Variants in NF1 observed in about 807,000 individuals in gnomAD.
NF1 encodes neurofibromin 1.
NF1 carries 122 observed loss-of-function variants against 325.7 expected under a neutral mutation model. The observed-to-expected ratio is 0.37, with a 90% CI of 0.32 to 0.44. The LOEUF is 0.44. Among genes scored for constraint, NF1 ranks in the 20% least tolerant of loss-of-function variants. NF1 has a pLI of 1.00. For synonymous variants in NF1, 1,091 were observed against 1,186.0 expected (o/e 0.92, Z 1.65); for missense variants, 2,140 against 3,415.4 (o/e 0.63, Z 9.31).
At chr17:31,291,646 CTT>C (rs2151494778) in intron 36 of NF1, among the ~76,000 whole-genome samples, 1 of 152,162 alleles carries the variant, frequency 6.6e-6, no homozygotes, top group South Asian at 2.1e-4. Flanking sequence ...TAGGTTAACT[CTT>C]GACTGACATT....
chr17:31,305,080 G>A, intron 36 of NF1: 1 of 1,614,158 alleles, frequency 6.2e-7, no homozygotes, highest in Non-Finnish European at 8.5e-7. Flanking sequence ...ACTCCTAGGT[G>A]AATTTTTGAC....
intron 12 of NF1, among the ~76,000 whole-genome samples, chr17:31,214,202 T>C (rs570929401): frequency 6.6e-6 from 1 of 152,100 alleles, no homozygotes; most frequent in Non-Finnish European, 1.5e-5. Context: ...AGTATTGTAA[T>C]AGATTTTCAT....
chr17:31,209,909 A>G (rs765090066), intron 12 of NF1, among the ~76,000 whole-genome samples: 1 of 152,146 alleles, frequency 6.6e-6, no homozygotes, highest in Non-Finnish European at 1.5e-5. Flanking sequence ...CAGTCTCCCA[A>G]AATGCAGGGC....
chr17:31,096,580 A>G (rs892981032), intron 1 of NF1, among the ~76,000 whole-genome samples: 1 of 152,162 alleles, frequency 6.6e-6, no homozygotes, highest in Non-Finnish European at 1.5e-5. Context: ...GGAATTGTTT[A>G]AGATTGAGTC....
At chr17:31,283,789 A>G (rs1336289084) in intron 36 of NF1, among the ~76,000 whole-genome samples, 1 of 152,100 alleles carries the variant, frequency 6.6e-6, no homozygotes, top group Non-Finnish European at 1.5e-5. Context: ...TATTAGGCCT[A>G]ATTACCAGTT....
intron 1 of NF1, among the ~76,000 whole-genome samples, chr17:31,145,950 A>G (rs1217012090): frequency 6.6e-6 from 1 of 152,226 alleles, no homozygotes; most frequent in Non-Finnish European, 1.5e-5. Context: ...CCAAATGGAC[A>G]TTTGGATAAC....
chr17:31,146,399 T>G (rs1412558199), intron 1 of NF1, among the ~76,000 whole-genome samples: 1 of 149,260 alleles, frequency 6.7e-6, no homozygotes, highest in Non-Finnish European at 1.5e-5. Context: ...TTTAGATATC[T>G]AATCTGTCTG....
intron 36 of NF1, 101 bp downstream of exon 36, chr17:31,265,440 A>T: frequency 1.2e-6 from 1 of 829,680 alleles, no homozygotes; most frequent in South Asian, 1.4e-5. Flanking sequence ...CTTAACAGGA[A>T]TTGAAGACAA....
intron 13 of NF1, among the ~76,000 whole-genome samples, chr17:31,216,021 C>G (rs936735160): frequency 2.0e-5 from 3 of 152,170 alleles, no homozygotes. Flanking sequence ...AAAACCCATT[C>G]AAGTTTGAAA....
chr17:31,357,399 C>A (rs1408580227), intron 54 of NF1, 30 bp downstream of exon 54: 4 of 1,544,076 alleles, frequency 2.6e-6, no homozygotes, highest in Non-Finnish European at 3.6e-6. Context: ...TTTAATTCAC[C>A]TTCGTGCCTG....
intron 23 of NF1, 43 bp downstream of exon 23, chr17:31,230,425 T>C (rs2151431879): frequency 6.2e-7 from 1 of 1,610,376 alleles, no homozygotes; most frequent in Non-Finnish European, 8.5e-7. Flanking sequence ...TAAATCTTAA[T>C]ATGTCCAATG....
chr17:31,335,037 G>A lies in NF1; in HGVS notation c.6006+6G>A, dbSNP rs779001881. The A allele has an allele frequency of 6.2e-7, 1 of 1,609,826 alleles. No individual in the cohort carries two copies. Among genetic ancestry groups the A allele is most frequent in the Admixed American group, 1.7e-5 (1 of 59,694 alleles). ...TATGGGGAAGCCTTGGGCAGGTATTGAGTTTGCTCAAATATTTATCTAGTA... is the reference window on the plus strand; with the variant it reads ...TATGGGGAAGCCTTGGGCAGGTATTAAGTTTGCTCAAATATTTATCTAGTA... On this transcript the variant is annotated splice_donor_region_variant and intron_variant, in intron 40 of 57. Coordinates refer to ENST00000358273, the MANE Select transcript of NF1 (RefSeq NM_001042492.3).
At chr17:31,330,077 G>A (rs2069442372) in intron 38 of NF1, among the ~76,000 whole-genome samples, 1 of 152,014 alleles carries the variant, frequency 6.6e-6, no homozygotes, top group Non-Finnish European at 1.5e-5. Flanking sequence ...GTGCTCTTAT[G>A]GTTATATCAA....
In NF1 at chr17:31,229,075, G is replaced by A. The variant is rs1216764866; in HGVS notation, c.2460G>A (p.Val820=). 1.9e-6 allele frequency: 3 copies of A among 1,611,916 alleles called. No individual in the cohort carries two copies. The South Asian group carries it at 3.3e-5, about 18-fold the overall frequency. ...KTIVKRRMSH[V]SGGGSIDLSD... Reference sequence around the variant, plus strand: ...TTGTTAAGAGGCGAATGTCCCATGTGAGTGGAGGAGGATCCATAGATTTGT... The same window carrying A: ...TTGTTAAGAGGCGAATGTCCCATGTAAGTGGAGGAGGATCCATAGATTTGT... The change falls in exon 21 of 58, where the codon GTG becomes GTA. Residue 820 remains valine (V), a synonymous_variant. Coordinates refer to ENST00000358273, the MANE Select transcript of NF1 (RefSeq NM_001042492.3).
chr17:31,375,685 A>T lies in NF1; in HGVS notation c.*1530A>T, dbSNP rs2070722064. On this transcript the variant is annotated 3_prime_UTR_variant, in exon 58 of 58. Transcript: ENST00000358273. ...GTTTCCTGTAGTGCTGTTTCATTAG[A>T]GGATTTCAGTAAATTAAATTCCACA... 1 of 232,926 alleles carries T rather than the reference A, an allele frequency of 4.3e-6. No individual in the cohort carries two copies. The highest frequency in any genetic ancestry group is 6.1e-5 in the East Asian group (1 of 16,426). 14.4% of individuals were successfully genotyped at this position (232,926 alleles called of 1,614,324 possible).
chr17:31,272,217 T>C (rs757946678), intron 36 of NF1: 6 of 152,228 alleles, frequency 3.9e-5, no homozygotes, highest in Non-Finnish European at 7.3e-5. Context: ...GAGATAAGAA[T>C]GCAGGCAGTT....
chr17:31,193,116 G>A (rs1183269117), intron 8 of NF1, among the ~76,000 whole-genome samples: 1 of 152,132 alleles, frequency 6.6e-6, no homozygotes, highest in Non-Finnish European at 1.5e-5. Flanking sequence ...ATAGTTCAGT[G>A]TTTCTCAAAG....
At chr17:31,350,970 C>T (rs1422841380) in intron 50 of NF1, among the ~76,000 whole-genome samples, 2 of 152,142 alleles carry the variant, frequency 1.3e-5, no homozygotes, top group Admixed American at 1.3e-4. Flanking sequence ...TTCCATTTAT[C>T]AACATCCTGC....
At chr17:31,323,888 T>C (rs2069277063) in intron 36 of NF1, among the ~76,000 whole-genome samples, 1 of 152,216 alleles carries the variant, frequency 6.6e-6, no homozygotes. Flanking sequence ...TTTCCTTTGA[T>C]AAGTGATTAC....
Sources: gnomAD v4.1 joint callset for allele counts (sites outside exome capture counted in the v4.1 genomes callset) on GRCh38, gnomAD v4.1.1 for gene constraint, MANE v1.5 for transcripts, NCBI Gene and HGNC (gene_info 2026-07-23, HGNC 2026-07-21) for gene names.